SLC22A23: variants seen among roughly 807,000 people sequenced by gnomAD.
SLC22A23 encodes the protein solute carrier family 22 member 23.
Under a neutral mutation model 61.0 loss-of-function variants are expected in SLC22A23, and 26 were observed. That is an observed-to-expected ratio of 0.43 (90% confidence interval 0.31 to 0.59). The LOEUF is 0.59. Ranked by LOEUF, SLC22A23 falls within the 20% of genes least tolerant of loss-of-function variation. The pLI is 0.11. For missense variants in SLC22A23, 796 were observed against 934.7 expected (o/e 0.85, Z 1.94); for synonymous variants, 430 against 413.9 (o/e 1.04, Z -0.47).
At position 3,330,340 on chromosome 6, in the gene SLC22A23, C is replaced by T. The variant is rs1180633980; in HGVS notation, c.914-6338G>A. ...AGGCTTGGCCCTAAGCTGCTGACAC[C>T]CACCTGGAGACCACCACAGTCCTCT... On this transcript the variant is annotated intron_variant, in intron 3 of 9. Coordinates refer to ENST00000406686, the MANE Select transcript of SLC22A23 (RefSeq NM_015482.2). This position sits in a 1 kb window ranked among gnomAD's most constrained non-coding sequence, Gnocchi z 4.7. Among the ~76,000 whole-genome samples the T allele has an allele frequency of 6.6e-6, 1 of 152,224 alleles. No homozygotes were observed. The highest frequency in any genetic ancestry group is 1.5e-5 in the Non-Finnish European group (1 of 68,032).
intron 3 of SLC22A23, among the ~76,000 whole-genome samples, chr6:3,389,098 T>C (rs567287483): frequency 1.3e-5 from 2 of 151,540 alleles, no homozygotes; most frequent in Non-Finnish European, 2.9e-5. Flanking sequence ...TGAAGCCCCA[T>C]CTCTACGAAA....
At chr6:3,412,629 C>T (rs1769348237) in intron 2 of SLC22A23, among the ~76,000 whole-genome samples, 1 of 152,188 alleles carries the variant, frequency 6.6e-6, no homozygotes, top group Non-Finnish European at 1.5e-5. Context: ...GTCCTCAAAT[C>T]TGTCCATGTC....
At chr6:3,419,945 T>C (rs1770005959) in intron 1 of SLC22A23, among the ~76,000 whole-genome samples, 1 of 152,196 alleles carries the variant, frequency 6.6e-6, no homozygotes, top group South Asian at 2.1e-4. Flanking sequence ...TCTCTCTGCA[T>C]TAACTCTAAC....
At chr6:3,453,450 C>T (rs556018957) in intron 1 of SLC22A23, among the ~76,000 whole-genome samples, 80 of 152,162 alleles carry the variant, frequency 5.3e-4, no homozygotes, top group Non-Finnish European at 9.0e-4. Context: ...ATGCAGAAGG[C>T]GAGAGAGGCT....
intron 3 of SLC22A23, among the ~76,000 whole-genome samples, chr6:3,345,836 C>T (rs941284449): frequency 4.6e-5 from 7 of 152,204 alleles, no homozygotes; most frequent in Admixed American, 6.5e-5. Flanking sequence ...TGAAGTAGAA[C>T]TGGCCTACCT....
chr6:3,327,174 G>A lies in SLC22A23; in HGVS notation c.914-3172C>T, dbSNP rs921368894. 1.3e-5 allele frequency among the ~76,000 whole-genome samples: 2 copies of A among 152,220 alleles called. No individual in the cohort carries two copies. Among genetic ancestry groups the A allele is most frequent in the African/African-American group, 4.8e-5 (2 of 41,464 alleles). ...CCACACCTTGAAGATGGTTCCAGTC[G>A]CCTGGCCAGGGGCCACTGGCCTTGG... is the stretch of plus-strand genomic sequence containing the variant. On this transcript the variant is annotated intron_variant, in intron 3 of 9. Transcript: ENST00000406686. The surrounding 1 kb of genome is among the most constrained non-coding windows in gnomAD (Gnocchi z 4.1).
chr6:3,397,731 A>G (rs1489299214), intron 3 of SLC22A23, among the ~76,000 whole-genome samples: 1 of 152,216 alleles, frequency 6.6e-6, no homozygotes, highest in Non-Finnish European at 1.5e-5. Context: ...GCTCAGCTAT[A>G]CAGCACCATG....
chr6:3,320,830 C>T (rs114707475), intron 4 of SLC22A23, among the ~76,000 whole-genome samples: 296 of 152,280 alleles, frequency 1.9e-3, no homozygotes, highest in African/African-American at 6.7e-3. Flanking sequence ...GCAATAATAA[C>T]AATAGCAGTG....
chr6:3,360,322 A>G lies in SLC22A23; in HGVS notation c.914-36320T>C, dbSNP rs1765356709. On this transcript the variant is annotated intron_variant, in intron 3 of 9. Transcript: ENST00000406686. The surrounding 1 kb of genome is among the most constrained non-coding windows in gnomAD (Gnocchi z 4.6). Reference sequence around the variant, plus strand: ...CCTCCAAATAAAACAACAACAAAAAAGGCAAGTCCGTAGTATTGGCCTTTG... The same window carrying G: ...CCTCCAAATAAAACAACAACAAAAAGGGCAAGTCCGTAGTATTGGCCTTTG... Among the ~76,000 whole-genome samples, 1 of 152,268 alleles carries G rather than the reference A, an allele frequency of 6.6e-6. No homozygotes were observed. The highest frequency in any genetic ancestry group is 2.4e-5 in the African/African-American group (1 of 41,464).
chr6:3,442,853 T>G (rs181075557), intron 1 of SLC22A23, among the ~76,000 whole-genome samples: 1 of 152,188 alleles, frequency 6.6e-6, no homozygotes, highest in African/African-American at 2.4e-5. Flanking sequence ...TTAACTAGCA[T>G]TCCTACGACT....
intron 1 of SLC22A23, among the ~76,000 whole-genome samples, chr6:3,451,249 G>A (rs919286723): frequency 6.6e-6 from 1 of 152,238 alleles, no homozygotes; most frequent in African/African-American, 2.4e-5. Flanking sequence ...CCGGACTGGA[G>A]TGCAGTGGCG....
intron 3 of SLC22A23, among the ~76,000 whole-genome samples, chr6:3,337,180 G>A (rs900629459): frequency 2.6e-5 from 4 of 152,216 alleles, no homozygotes; most frequent in Non-Finnish European, 4.4e-5. Context: ...AGGGCTCTGC[G>A]CTAAACACAA....
rs145767953 is a variant in SLC22A23 at position 3,371,541 on chromosome 6, T to G, written c.913+38647A>C. Among the ~76,000 whole-genome samples, 254 of 152,354 alleles carry G rather than the reference T, an allele frequency of 1.7e-3. 1 individual carries two copies. The highest frequency in any genetic ancestry group is 5.7e-3 in the African/African-American group (239 of 41,586). On this transcript the variant is annotated intron_variant, in intron 3 of 9. Coordinates refer to ENST00000406686, the MANE Select transcript of SLC22A23 (RefSeq NM_015482.2). ...GTAGGCGGGGGCTTAGACTCCTGGA[T>G]GGACCCTCAGGCCTGCCCCTTACCA... is the stretch of plus-strand genomic sequence containing the variant.
At chr6:3,307,061 G>A (rs540487153) in intron 4 of SLC22A23, among the ~76,000 whole-genome samples, 5 of 152,234 alleles carry the variant, frequency 3.3e-5, no homozygotes, top group Admixed American at 6.5e-5. Context: ...TGCCAACTTG[G>A]AGGATTTTAG....
intron 1 of SLC22A23, among the ~76,000 whole-genome samples, chr6:3,451,527 G>A (rs1772155115): frequency 6.6e-6 from 1 of 152,226 alleles, no homozygotes. Context: ...ATATTTGCAA[G>A]TCCATGGAGT....
At chr6:3,432,805 T>C (rs564380491) in intron 1 of SLC22A23, among the ~76,000 whole-genome samples, 1 of 152,340 alleles carries the variant, frequency 6.6e-6, no homozygotes, top group Non-Finnish European at 1.5e-5. Context: ...TTGCTCTTTT[T>C]AAGGTTTTTA....
intron 1 of SLC22A23, among the ~76,000 whole-genome samples, chr6:3,428,468 G>A (rs972065975): frequency 3.3e-5 from 5 of 152,060 alleles, no homozygotes; most frequent in Non-Finnish European, 7.4e-5. Context: ...TCAGTGTCTC[G>A]GGCTTCATGG....
intron 5 of SLC22A23, among the ~76,000 whole-genome samples, chr6:3,292,284 T>C (rs549439141): frequency 6.6e-5 from 10 of 152,314 alleles, no homozygotes; most frequent in African/African-American, 1.9e-4. Flanking sequence ...GCGCTCTATG[T>C]TATAGGACAC....
intron 4 of SLC22A23, chr6:3,311,958 C>T (rs1347642601): frequency 6.6e-6 from 1 of 152,224 alleles, no homozygotes; most frequent in Non-Finnish European, 1.5e-5. Context: ...CAAGGTCTTG[C>T]CTGGCTTCAA....
Sources: allele counts gnomAD v4.1 joint callset (sites outside exome capture counted in the v4.1 genomes callset), GRCh38; gene constraint gnomAD v4.1.1; non-coding constraint Gnocchi (gnomAD v3.1); transcripts MANE v1.5; gene names NCBI Gene and HGNC (gene_info 2026-07-23, HGNC 2026-07-21).